Variants in ALCAM observed in about 807,000 individuals in gnomAD.
ALCAM encodes activated leukocyte cell adhesion molecule, also known as CD166 antigen.
Under a neutral mutation model 70.9 loss-of-function variants are expected in ALCAM, and 30 were observed. The observed-to-expected ratio is 0.42, with a 90% confidence interval of 0.32 to 0.57. ALCAM has a LOEUF of 0.57. Among genes scored for constraint, ALCAM ranks in the 20% least tolerant of loss-of-function variants. The probability of loss-of-function intolerance (pLI) is 0.11; values close to 1 mark genes in which losing one functional copy is unlikely to be tolerated. For missense variants in ALCAM, 591 were observed against 695.1 expected (o/e 0.85, Z 1.68); for synonymous variants, 249 against 242.5 (o/e 1.03, Z -0.25).
intron 1 of ALCAM, among the ~76,000 whole-genome samples, chr3:105,431,258 T>G (rs924549825): frequency 2.6e-5 from 4 of 152,082 alleles, no homozygotes; most frequent in Admixed American, 2.6e-4. Flanking sequence ...ATTTAGCTCA[T>G]GAATCTATCA....
chr3:105,460,102 T>A (rs1411416146), intron 1 of ALCAM, among the ~76,000 whole-genome samples: 1 of 152,008 alleles, frequency 6.6e-6, no homozygotes, highest in Non-Finnish European at 1.5e-5. Context: ...TTTGACAGTA[T>A]GTGGTGGATA....
chr3:105,446,610 TACACACAC>T (rs59828133), intron 1 of ALCAM, among the ~76,000 whole-genome samples: 3,700 of 143,986 alleles, frequency 0.026, 54 homozygotes, highest in Non-Finnish European at 0.027. Context: ...AAATTTGGTG[TACACACAC>T]ACACACACAC....
At chr3:105,454,004 T>C (rs1937496398) in intron 1 of ALCAM, among the ~76,000 whole-genome samples, 1 of 152,206 alleles carries the variant, frequency 6.6e-6, no homozygotes, top group African/African-American at 2.4e-5. Context: ...TATTCAATTT[T>C]GTGTTCAAAT....
At chr3:105,396,360 T>C (rs1935950862) in intron 1 of ALCAM, among the ~76,000 whole-genome samples, 1 of 151,668 alleles carries the variant, frequency 6.6e-6, no homozygotes, top group Non-Finnish European at 1.5e-5. Context: ...AGAAGAGACC[T>C]GAATATCTGT....
At chr3:105,431,142 C>CAA (rs111778942) in intron 1 of ALCAM, among the ~76,000 whole-genome samples, 91 of 117,866 alleles carry the variant, frequency 7.7e-4, no homozygotes, top group African/African-American at 1.5e-3. Context: ...TCCTTCGAAA[C>CAA]AAAAAAAAAA....
rs2152628847 is a variant in ALCAM, at chr3:105,539,966, C to G, written c.731-9C>G. On this transcript the variant is annotated splice_polypyrimidine_tract_variant and intron_variant, in intron 6 of 15. Transcript: ENST00000306107. ...AAAAATGGTTAACTTGTGTCTGTAA[C>G]TCTTACAGATCCTACAGAGCAGGTG... 6.2e-7 allele frequency: 1 copy of G among 1,610,848 alleles called. No homozygotes were observed. The highest frequency in any genetic ancestry group is 1.1e-5 in the South Asian group (1 of 90,768).
intron 2 of ALCAM, among the ~76,000 whole-genome samples, chr3:105,521,857 A>G (rs1316774691): frequency 1.3e-5 from 2 of 152,128 alleles, no homozygotes; most frequent in Non-Finnish European, 2.9e-5. Flanking sequence ...TCTATTTAGT[A>G]TCCAGTTCAC....
At chr3:105,485,887 G>A (rs1180798463) in intron 1 of ALCAM, among the ~76,000 whole-genome samples, 1 of 151,882 alleles carries the variant, frequency 6.6e-6, no homozygotes, top group Non-Finnish European at 1.5e-5. Flanking sequence ...TGACTCTGCT[G>A]TAGAAATGGA....
chr3:105,389,731 T>A (rs1027306374), intron 1 of ALCAM, among the ~76,000 whole-genome samples: 1 of 151,164 alleles, frequency 6.6e-6, no homozygotes, highest in South Asian at 2.1e-4. Context: ...CCTGATTCTG[T>A]CCCTCCCCCC....
chr3:105,489,112 T>A (rs1043298431), intron 1 of ALCAM, among the ~76,000 whole-genome samples: 6 of 152,266 alleles, frequency 3.9e-5, no homozygotes, highest in Non-Finnish European at 7.4e-5. Context: ...TCCAAGAACA[T>A]AAAACCCTGA....
chr3:105,480,963 A>C (rs754520719), intron 1 of ALCAM, among the ~76,000 whole-genome samples: 11 of 152,008 alleles, frequency 7.2e-5, no homozygotes, highest in Non-Finnish European at 1.6e-4. Flanking sequence ...GATTGATGAG[A>C]TTCTGTTCCG....
intron 1 of ALCAM, among the ~76,000 whole-genome samples, chr3:105,377,328 G>A (rs1039855616): frequency 1.3e-5 from 2 of 151,988 alleles, no homozygotes; most frequent in African/African-American, 2.4e-5. Context: ...GTCCATATAA[G>A]CAATTGGTGG....
At chr3:105,396,309 TA>T (rs562344514) in intron 1 of ALCAM, among the ~76,000 whole-genome samples, 7 of 151,880 alleles carry the variant, frequency 4.6e-5, no homozygotes, top group Non-Finnish European at 7.4e-5. Flanking sequence ...ATAGGAGGTT[TA>T]GGAGCTAGGA....
chr3:105,545,448 G>GCT (rs372671937), intron 9 of ALCAM, 113 bp downstream of exon 9: 936 of 629,002 alleles, frequency 1.5e-3, no homozygotes, highest in African/African-American at 3.4e-3. Flanking sequence ...TTATATACCA[G>GCT]CTCTCTCTCT....
At chr3:105,525,574 G>A (rs773913088) in intron 3 of ALCAM, among the ~76,000 whole-genome samples, 32 of 152,178 alleles carry the variant, frequency 2.1e-4, no homozygotes, top group Non-Finnish European at 3.4e-4. Context: ...AATAAATAGG[G>A]AAGAAGGAAA....
intron 1 of ALCAM, among the ~76,000 whole-genome samples, chr3:105,376,542 A>G (rs1007147339): frequency 2.6e-5 from 4 of 152,212 alleles, no homozygotes; most frequent in South Asian, 4.1e-4. Context: ...GTGCTTGAGG[A>G]TATGGAAATA....
At chr3:105,545,172 A>G in intron 8 of ALCAM, 51 bp from the exon 9 acceptor site, 1 of 1,168,288 alleles carries the variant, frequency 8.6e-7, no homozygotes, top group Non-Finnish European at 1.3e-6. Flanking sequence ...AAATATTTTG[A>G]CTATCTTACA....
chr3:105,369,650 C>G (rs1458795498), intron 1 of ALCAM, among the ~76,000 whole-genome samples: 3 of 152,146 alleles, frequency 2.0e-5, no homozygotes, highest in Non-Finnish European at 2.9e-5. Context: ...TGCCAAAGGC[C>G]GGCTTCATTT....
At chr3:105,446,610 TACACACACACACACACACAC>T (rs59828133) in intron 1 of ALCAM, among the ~76,000 whole-genome samples, 1 of 144,030 alleles carries the variant, frequency 6.9e-6, no homozygotes, top group African/African-American at 2.6e-5. Flanking sequence ...AAATTTGGTG[TACACACACACACACACACAC>T]ACACACACAC....
Sources: gnomAD v4.1 joint callset for allele counts (sites outside exome capture counted in the v4.1 genomes callset) on GRCh38, gnomAD v4.1.1 for gene constraint, MANE v1.5 for transcripts, NCBI Gene and HGNC (gene_info 2026-07-23, HGNC 2026-07-21) for gene names.